The following ASMTL variants were observed in gnomAD, a reference collection of about 807,000 sequenced individuals.
ASMTL encodes acetylserotonin O-methyltransferase like, also known as probable bifunctional dTTP/UTP pyrophosphatase/methyltransferase protein.
ASMTL carries 57 observed loss-of-function variants against 60.3 expected under a neutral mutation model. The ratio of observed to expected loss-of-function variants is 0.95; its 90% CI spans 0.76 to 1.18. The LOEUF (loss-of-function observed/expected upper bound fraction) is 1.18, where lower values mean the gene tolerates loss of function less well. ASMTL is among the 50% of genes most tolerant of loss of function. The probability of loss-of-function intolerance (pLI) is 0.00; values close to 1 mark genes in which losing one functional copy is unlikely to be tolerated. For missense variants in ASMTL, 981 were observed against 852.6 expected (o/e 1.15, Z -1.88); for synonymous variants, 419 against 373.0 (o/e 1.12, Z -1.42).
intron 1 of ASMTL, among the ~76,000 whole-genome samples, chrX:1,451,665 C>A (rs1343319950): frequency 2.1e-5 from 3 of 145,834 alleles, no homozygotes; most frequent in Admixed American, 2.0e-4. Context: ...CACTTGACCT[C>A]CCCATTCCTA....
At position 1,412,837 on chromosome X, in the gene ASMTL, G is replaced by A; in HGVS notation, c.1540C>T (p.Pro514Ser). The A allele has an allele frequency of 6.2e-7, 1 of 1,613,854 alleles. No homozygotes were observed. Among genetic ancestry groups the A allele is most frequent in the Admixed American group, 1.7e-5 (1 of 59,990 alleles). The change falls in exon 12 of 13, where the codon CCC becomes TCC. Residue 514 changes from proline (P) to serine (S), a missense_variant. Physicochemically the swap from Pro to Ser is moderately conservative, Grantham distance 74. Transcript: ENST00000381317. ...HFAAGDFFRD[P>S]LPSAELYVLC... is the part of the protein sequence containing the mutation. ...ACGTACAGCTCAGCGCTGGGGAGGG[G>A]GTCCCTGAAAAAGTCACCTGGTTTA...
Position 1,421,780 on chromosome X carries a change from C to T in ASMTL, c.1123G>A (p.Gly375Ser), listed in dbSNP as rs199829721. 9.4e-5 allele frequency: 152 copies of T among 1,613,668 alleles called. No homozygotes were observed. Among genetic ancestry groups the T allele is most frequent in the Admixed American group, 1.7e-4 (10 of 59,960 alleles). The change falls in exon 9 of 13, where the codon GGC (glycine) becomes AGC (serine). Residue 375 changes from glycine to serine, a missense_variant. Gly to Ser is a moderately conservative substitution (Grantham distance 56, BLOSUM62 0). Coordinates refer to ENST00000381317, the MANE Select transcript of ASMTL (RefSeq NM_004192.4). ...AGGTCATTATTGTGCATGATGAAGC[C>T]GTGCAGAGAGTATTCGCCATCCGAT... ...LASDGEYSLH[G>S]FIMHNNDLTW...
chrX:1,423,102 G>A (rs534897811), intron 8 of ASMTL, among the ~76,000 whole-genome samples: 79 of 152,144 alleles, frequency 5.2e-4, no homozygotes, highest in African/African-American at 1.7e-3. Context: ...ACAGGCACCC[G>A]CCACCGTGCC....
At chrX:1,423,758 ATCCATCC>A (rs2090538009) in intron 8 of ASMTL, among the ~76,000 whole-genome samples, 1 of 80,450 alleles carries the variant, frequency 1.2e-5, no homozygotes, top group African/African-American at 3.4e-5. Flanking sequence ...CCATCCTCCC[ATCCATCC>A]GTCCACCCAC....
chrX:1,426,794 T>C (rs28624515), intron 7 of ASMTL, among the ~76,000 whole-genome samples: 98,173 of 151,764 alleles, frequency 0.65, 32,668 homozygotes, highest in East Asian at 0.83. Flanking sequence ...TTACATCTGC[T>C]AAGACCCCTT....
At chrX:1,440,391 C>T (rs1462602337) in intron 2 of ASMTL, among the ~76,000 whole-genome samples, 5 of 145,494 alleles carry the variant, frequency 3.4e-5, no homozygotes, top group Admixed American at 1.3e-4. Context: ...CACCCGGCCC[C>T]GAATGTATTT....
intron 7 of ASMTL, 130 bp from the exon 8 acceptor site, chrX:1,425,817 G>T: frequency 1.2e-6 from 1 of 851,892 alleles, no homozygotes; most frequent in Non-Finnish European, 1.8e-6. Context: ...CTTTCACAGA[G>T]AACGGTGGGG....
At chrX:1,435,150 T>G (rs2090926384) in intron 4 of ASMTL, 67 bp from the exon 5 acceptor site, 65 of 1,561,440 alleles carry the variant, frequency 4.2e-5, no homozygotes, top group Non-Finnish European at 5.7e-5. Context: ...AGCGAGTTTC[T>G]CAAAACCAGG....
At chrX:1,447,064 C>T (rs1335854682) in intron 1 of ASMTL, among the ~76,000 whole-genome samples, 1 of 152,138 alleles carries the variant, frequency 6.6e-6, no homozygotes, top group Non-Finnish European at 1.5e-5. Flanking sequence ...GCCCTGTGAA[C>T]TAAAAGCTAG....
At chrX:1,443,074 G>A (rs184166598) in intron 1 of ASMTL, among the ~76,000 whole-genome samples, 1,494 of 121,358 alleles carry the variant, frequency 0.012, 26 homozygotes, top group African/African-American at 0.041. Flanking sequence ...CACCGTCGTC[G>A]TGGACACACA....
intron 6 of ASMTL, among the ~76,000 whole-genome samples, chrX:1,430,984 A>G (rs2090757870): frequency 7.2e-6 from 1 of 138,268 alleles, no homozygotes; most frequent in Non-Finnish European, 1.5e-5. Context: ...ATTTACATAT[A>G]ATCACACTTT....
chrX:1,432,213 AG>A (rs1394124746), intron 6 of ASMTL, 55 bp downstream of exon 6: 1 of 1,397,818 alleles, frequency 7.2e-7, no homozygotes, highest in African/African-American at 1.4e-5. Flanking sequence ...CCCACGTGTG[AG>A]GGTGGCCAGG....
Position 1,435,875 on chromosome X carries a change from TGA to T in ASMTL, c.274-119_274-118del. Reference sequence around the variant, plus strand: ...TTATGGAAATGAAGCTGACACGTCCTGAGAGTCGCCATTTCAAACAACTAACC... The same window carrying T: ...TTATGGAAATGAAGCTGACACGTCCTGAGTCGCCATTTCAAACAACTAACC... On this transcript the variant is annotated intron_variant, in intron 3 of 12. Coordinates refer to ENST00000381317, the MANE Select transcript of ASMTL (RefSeq NM_004192.4). 11 of 872,802 alleles carry T rather than the reference TGA, an allele frequency of 1.3e-5. No individual in the cohort carries two copies. The Middle Eastern group carries it at 1.3e-3, about 104-fold the overall frequency. The allele number at this position is 872,802 out of a possible 1,614,324, so 54.1% of individuals were successfully genotyped here.
intron 9 of ASMTL, 144 bp downstream of exon 9, chrX:1,421,514 A>G: frequency 2.4e-6 from 2 of 831,728 alleles, no homozygotes; most frequent in Non-Finnish European, 3.8e-6. Context: ...CCACGGCACT[A>G]AGTTCTCCAG....
At chrX:1,406,971 GTAGGTAGATGAATGGA>G (rs1471046342) in intron 12 of ASMTL, among the ~76,000 whole-genome samples, 2 of 150,050 alleles carry the variant, frequency 1.3e-5, no homozygotes, top group East Asian at 2.0e-4. Context: ...TAGATGATGG[GTAGGTAGATGAATGGA>G]TGGATAGATG....
intron 1 of ASMTL, among the ~76,000 whole-genome samples, chrX:1,443,472 C>T (rs1237928599): frequency 2.0e-5 from 3 of 151,746 alleles, no homozygotes; most frequent in Non-Finnish European, 2.9e-5. Context: ...ACACCACCAT[C>T]GTGGACACAT....
At chrX:1,433,635 G>A (rs1393950234) in intron 5 of ASMTL, among the ~76,000 whole-genome samples, 2 of 151,702 alleles carry the variant, frequency 1.3e-5, no homozygotes, top group East Asian at 1.9e-4. Flanking sequence ...AGCCGAGATG[G>A]CGCAAGTGCA....
rs758119712 is a variant in ASMTL at position 1,425,628 on chromosome X, C to T, written c.957G>A (p.Gln319=). 7 of 1,613,796 alleles carry T rather than the reference C, an allele frequency of 4.3e-6. No homozygotes were observed. The highest frequency in any genetic ancestry group is 1.7e-4 in the Middle Eastern group (1 of 6,050). The change falls in exon 8 of 13, where the codon CAG becomes CAA. Residue 319 remains glutamine (Q), a synonymous_variant. Coordinates refer to ENST00000381317, the MANE Select transcript of ASMTL (RefSeq NM_004192.4). The stretch of plus-strand genomic sequence containing the variant: ...CTTTGCTGGCAATATCCGCAGCCTT[C>T]TGGGGTGCTTCATCTTTTAACAAAT... The part of the protein sequence containing the change: ...VFDLLKDEAP[Q]KAADIASKVD...
chrX:1,435,085 T>G lies in ASMTL; in HGVS notation c.339-2A>C. ...ACGCTGTGTTCTCTCCCACTCAACC[T>G]GTAAGACAACAACGGGTGACCACGT... is the stretch of plus-strand genomic sequence containing the variant. On this transcript the variant is annotated splice_acceptor_variant, in intron 4 of 12. Transcript: ENST00000381317. LOFTEE classifies it high-confidence loss of function. The G allele has an allele frequency of 6.2e-7, 1 of 1,613,946 alleles. No homozygotes were observed.
Sources: gnomAD v4.1 joint callset for allele counts (sites outside exome capture counted in the v4.1 genomes callset) on GRCh38, gnomAD v4.1.1 for gene constraint, MANE v1.5 for transcripts, NCBI Gene and HGNC (gene_info 2026-07-23, HGNC 2026-07-21) for gene names.